The following RBFOX1 variants were observed in gnomAD, a reference collection of about 807,000 sequenced individuals.
The protein encoded by RBFOX1 is RNA binding fox-1 homolog 1, also known as RNA binding protein fox-1 homolog 1.
Under a neutral mutation model 57.7 loss-of-function variants are expected in RBFOX1, and 8 were observed. That is an observed-to-expected ratio of 0.14 (90% CI 0.08 to 0.25). The LOEUF (loss-of-function observed/expected upper bound fraction) is 0.25. RBFOX1 is among the 10% of genes least tolerant of loss of function. The pLI is 1.00. For missense variants in RBFOX1, 611 were observed against 548.5 expected (o/e 1.11, Z -1.14); for synonymous variants, 326 against 222.4 (o/e 1.47, Z -4.15).
At chr16:7,198,348 A>G (rs1255560037) in intron 4 of RBFOX1, among the ~76,000 whole-genome samples, 2 of 152,150 alleles carry the variant, frequency 1.3e-5, no homozygotes, top group Non-Finnish European at 2.9e-5. Context: ...AAATGTTTTG[A>G]AACTAGACAG....
intron 2 of RBFOX1, among the ~76,000 whole-genome samples, chr16:6,537,503 A>T (rs1236148003): frequency 6.6e-6 from 1 of 152,204 alleles, no homozygotes; most frequent in Non-Finnish European, 1.5e-5. Flanking sequence ...CTATAAGCTT[A>T]CAGATGTTTA....
At chr16:5,497,032 T>G (rs1411288918) in intron 2 of RBFOX1, among the ~76,000 whole-genome samples, 6 of 152,196 alleles carry the variant, frequency 3.9e-5, no homozygotes, top group Non-Finnish European at 8.8e-5. Flanking sequence ...TTGAGTAAAT[T>G]GAATTTTTTT....
chr16:7,399,606 A>G (rs1188405283), intron 4 of RBFOX1, among the ~76,000 whole-genome samples: 6 of 152,116 alleles, frequency 3.9e-5, no homozygotes, highest in African/African-American at 9.7e-5. Context: ...CTGGGCTTGT[A>G]GATGCATCTC....
chr16:5,688,556 G>C (rs1273004498), intron 3 of RBFOX1, among the ~76,000 whole-genome samples: 9 of 152,096 alleles, frequency 5.9e-5, no homozygotes, highest in African/African-American at 2.2e-4. Flanking sequence ...TTCCTCCTCA[G>C]CTCTGAGATA....
At chr16:7,460,417 G>GTGTGTA (rs36087873) in intron 4 of RBFOX1, among the ~76,000 whole-genome samples, 11 of 125,418 alleles carry the variant, frequency 8.8e-5, no homozygotes, top group Admixed American at 1.7e-4. Context: ...GTGTGTGTGT[G>GTGTGTA]TATATACATA....
At position 5,387,852 on chromosome 16, in the gene RBFOX1, G is replaced by A. The variant is rs116197629; in HGVS notation, c.220-79364G>A. 4.3e-3 allele frequency among the ~76,000 whole-genome samples: 651 copies of A among 152,292 alleles called. 3 individuals are homozygous for A. The highest frequency in any genetic ancestry group is 0.014 in the African/African-American group (600 of 41,564). On this transcript the variant is annotated intron_variant, in intron 1 of 2. Transcript: ENST00000585867. ...AGAGTATCTGGGATTGTCCCAGCGG[G>A]ATTGATGTAATCATGAGAGTTCTTA...
intron 4 of RBFOX1, among the ~76,000 whole-genome samples, chr16:5,977,196 G>C (rs2060081915): frequency 6.6e-6 from 1 of 152,202 alleles, no homozygotes; most frequent in Admixed American, 6.5e-5. Context: ...TGAGGTTGCT[G>C]CTCCTTCCAA....
rs531095953 is a variant in RBFOX1 at position 6,610,666 on chromosome 16, G to A, written c.-63-43937G>A. ...ATCCTGATTATACATTAACTCAGGT[G>A]AGCTTCATATATGTGAAGAAACACT... On this transcript the variant is annotated intron_variant, in intron 2 of 15. Transcript: ENST00000550418. 2.6e-5 allele frequency among the ~76,000 whole-genome samples: 4 copies of A among 152,300 alleles called. 1 individual carries two copies. In the South Asian group the frequency reaches 8.3e-4, roughly 32 times the overall value.
chr16:7,704,716 C>T (rs980244690), intron 14 of RBFOX1, among the ~76,000 whole-genome samples: 1 of 152,048 alleles, frequency 6.6e-6, no homozygotes, highest in African/African-American at 2.4e-5. Flanking sequence ...TGCTATACAA[C>T]ATGAAGGGGT....
At chr16:6,316,565 T>C (rs2081143923) in intron 1 of RBFOX1, among the ~76,000 whole-genome samples, 1 of 152,232 alleles carries the variant, frequency 6.6e-6, no homozygotes, top group Non-Finnish European at 1.5e-5. Flanking sequence ...GGAAAATCCA[T>C]AATGATATAT....
intron 2 of RBFOX1, among the ~76,000 whole-genome samples, chr16:6,329,780 A>G (rs1336173625): frequency 6.6e-6 from 1 of 152,124 alleles, no homozygotes; most frequent in Non-Finnish European, 1.5e-5. Context: ...AAAAATACAA[A>G]AAGAAAAATT....
intron 3 of RBFOX1, among the ~76,000 whole-genome samples, chr16:6,974,207 T>C (rs763607357): frequency 1.1e-4 from 16 of 152,126 alleles, no homozygotes; most frequent in Non-Finnish European, 1.2e-4. Context: ...TGATTCCATG[T>C]CTTTGCTTAA....
chr16:6,687,063 G>A (rs2059540181), intron 3 of RBFOX1, among the ~76,000 whole-genome samples: 1 of 152,232 alleles, frequency 6.6e-6, no homozygotes, highest in Non-Finnish European at 1.5e-5. Context: ...AACAGGAACA[G>A]CAGGTATCTA....
At chr16:5,806,150 G>A (rs1865818) in intron 3 of RBFOX1, among the ~76,000 whole-genome samples, 82,318 of 152,022 alleles carry the variant, frequency 0.54, 23,456 homozygotes, top group South Asian at 0.66. Context: ...CTACAATTCA[G>A]TTCTCTCATT....
intron 4 of RBFOX1, among the ~76,000 whole-genome samples, chr16:7,370,143 G>T (rs559761676): frequency 6.6e-6 from 1 of 152,148 alleles, no homozygotes; most frequent in South Asian, 2.1e-4. Flanking sequence ...AGCAACTCTG[G>T]ACTCCTCCCT....
At chr16:7,405,426 G>T (rs1263403130) in intron 4 of RBFOX1, among the ~76,000 whole-genome samples, 5 of 152,164 alleles carry the variant, frequency 3.3e-5, no homozygotes, top group African/African-American at 9.6e-5. Flanking sequence ...AGAACATTGA[G>T]CGGAGCTGAG....
At chr16:7,471,626 T>C (rs531837292) in intron 4 of RBFOX1, among the ~76,000 whole-genome samples, 4 of 152,216 alleles carry the variant, frequency 2.6e-5, no homozygotes, top group Non-Finnish European at 4.4e-5. Flanking sequence ...ATGGCTTCTT[T>C]ACCCATGAGC....
chr16:6,727,105 T>C (rs373374136), intron 3 of RBFOX1, among the ~76,000 whole-genome samples: 1 of 36,680 alleles, frequency 2.7e-5, no homozygotes. Flanking sequence ...CAGACACACA[T>C]AAATATATGT....
intron 3 of RBFOX1, among the ~76,000 whole-genome samples, chr16:5,755,352 C>A (rs2053355280): frequency 6.6e-6 from 1 of 152,156 alleles, no homozygotes; most frequent in Non-Finnish European, 1.5e-5. Context: ...TGCTTTTCCC[C>A]ACAATTCTGG....
Sources: allele counts gnomAD v4.1 joint callset (sites outside exome capture counted in the v4.1 genomes callset), GRCh38; gene constraint gnomAD v4.1.1; transcripts MANE v1.5; gene names NCBI Gene and HGNC (gene_info 2026-07-23, HGNC 2026-07-21).